UIMC1: variants seen among roughly 807,000 people sequenced by gnomAD.
UIMC1 encodes BRCA1-A complex subunit RAP80.
A neutral mutation model predicts 84.9 loss-of-function variants in UIMC1; 42 were observed. The observed-to-expected ratio is 0.49, with a 90% CI of 0.39 to 0.64. The LOEUF is 0.64. UIMC1 is among the 30% of genes least tolerant of loss of function. UIMC1 has a pLI of 0.00. For missense variants in UIMC1, 825 were observed against 847.6 expected, an observed-to-expected ratio of 0.97 and a Z score of 0.33; for synonymous variants, 281 against 293.0, an observed-to-expected ratio of 0.96 and a Z score of 0.42.
intron 8 of UIMC1, among the ~76,000 whole-genome samples, chr5:176,952,673 T>G (rs1766038209): frequency 6.6e-6 from 1 of 152,206 alleles, no homozygotes; most frequent in East Asian, 1.9e-4. Context: ...CACTCATGCC[T>G]GCAATCCCAA....
chr5:176,967,275 G>GT (rs999815281), intron 6 of UIMC1, among the ~76,000 whole-genome samples: 10 of 149,566 alleles, frequency 6.7e-5, no homozygotes, highest in African/African-American at 2.5e-4. Flanking sequence ...TCCACACATG[G>GT]TATTTTTCAC....
At position 176,969,051 on chromosome 5, in the gene UIMC1, T is replaced by C; in HGVS notation, c.704A>G (p.Glu235Gly). 6.2e-7 allele frequency: 1 copy of C among 1,614,172 alleles called. No individual in the cohort carries two copies. Among genetic ancestry groups the C allele is most frequent in the Non-Finnish European group, 8.5e-7 (1 of 1,180,028 alleles). The change falls in exon 6 of 15, where the codon GAA (glutamate) becomes GGA (glycine). Residue 235 changes from glutamate (E) to glycine (G), a missense_variant. By Grantham distance (98) the Glu-to-Gly change is moderately conservative. Coordinates refer to ENST00000511320, the MANE Select transcript of UIMC1 (RefSeq NM_001199298.2). Reference protein sequence around the residue: ...AEHTQCGKPQESTGRGSAFLK... With the variant: ...AEHTQCGKPQGSTGRGSAFLK... The stretch of plus-strand genomic sequence containing the variant: ...AAAAGCAGAACCCCTCCCAGTACTT[T>C]CCTGTGGCTTCCCACACTGTGTGTG...
At chr5:176,908,273 T>G (rs1456711321) in intron 12 of UIMC1, among the ~76,000 whole-genome samples, 1 of 152,220 alleles carries the variant, frequency 6.6e-6, no homozygotes, top group Non-Finnish European at 1.5e-5. Flanking sequence ...CATCTTTGAG[T>G]AGCTAAATTA....
chr5:177,020,633 A>G (rs969061547), intron 1 of UIMC1, among the ~76,000 whole-genome samples: 7 of 152,076 alleles, frequency 4.6e-5, no homozygotes, highest in Non-Finnish European at 7.4e-5. Context: ...GAGTTTCACC[A>G]TGTTAGCCAG....
intron 10 of UIMC1, among the ~76,000 whole-genome samples, chr5:176,924,911 G>A (rs1482852146): frequency 6.6e-6 from 1 of 151,398 alleles, no homozygotes; most frequent in South Asian, 2.1e-4. Context: ...CACATCTGTA[G>A]TCTCAGCTAC....
At chr5:176,961,909 C>T (rs1169467793) in intron 6 of UIMC1, among the ~76,000 whole-genome samples, 2 of 59,468 alleles carry the variant, frequency 3.4e-5, no homozygotes, top group African/African-American at 7.0e-5. Flanking sequence ...ATCGGCCCCC[C>T]GCCCGGCCAG....
chr5:176,969,716 G>A lies in UIMC1; in HGVS notation c.358-10C>T. 1 of 1,613,094 alleles carries A rather than the reference G, an allele frequency of 6.2e-7. No homozygotes were observed. The highest frequency in any genetic ancestry group is 2.2e-5 in the East Asian group (1 of 44,882). On this transcript the variant is annotated splice_polypyrimidine_tract_variant and intron_variant, in intron 4 of 14. Coordinates refer to ENST00000511320, the MANE Select transcript of UIMC1 (RefSeq NM_001199298.2). ...CAGAAGGCCGGCAACTCTGAAACAAGTGATCCCATACCAGACCAGGTTTAT... is the reference window on the plus strand; with the variant it reads ...CAGAAGGCCGGCAACTCTGAAACAAATGATCCCATACCAGACCAGGTTTAT...
chr5:176,964,630 CATG>C (rs1436638227), intron 6 of UIMC1, among the ~76,000 whole-genome samples: 60 of 152,258 alleles, frequency 3.9e-4, no homozygotes, highest in African/African-American at 1.3e-3. Context: ...AAAATGTCTA[CATG>C]ATATTAAAGA....
At chr5:176,906,995 G>T in intron 13 of UIMC1, 119 bp downstream of exon 13, 1 of 983,298 alleles carries the variant, frequency 1.0e-6, no homozygotes, top group South Asian at 1.6e-5. Context: ...TCAAAGGCTG[G>T]CTGACTGGAT....
intron 1 of UIMC1, among the ~76,000 whole-genome samples, chr5:176,984,993 C>G (rs2149511640): frequency 6.6e-6 from 1 of 152,180 alleles, no homozygotes; most frequent in East Asian, 1.9e-4. Flanking sequence ...AAACCAGAGA[C>G]CTTTGTTCAT....
intron 1 of UIMC1, among the ~76,000 whole-genome samples, chr5:177,020,617 G>A (rs545857286): frequency 6.4e-4 from 98 of 152,190 alleles, no homozygotes; most frequent in South Asian, 1.2e-3. Context: ...ATTTTTAGTA[G>A]AAACGGAGTT....
At position 176,926,851 on chromosome 5, in the gene UIMC1, T is replaced by C. The variant is rs189373698; in HGVS notation, c.1598-15462A>G. Reference sequence around the variant, plus strand: ...CTTCTGAAATTTGAAATTTTCAAAATAGAGAGGAAAAAAATAGGCCCTGAA... The same window carrying C: ...CTTCTGAAATTTGAAATTTTCAAAACAGAGAGGAAAAAAATAGGCCCTGAA... On this transcript the variant is annotated intron_variant, in intron 10 of 14. Transcript: ENST00000511320. Among the ~76,000 whole-genome samples, 5 of 152,160 alleles carry C rather than the reference T, an allele frequency of 3.3e-5. No individual in the cohort carries two copies. In the East Asian group the frequency reaches 9.7e-4, roughly 29 times the overall value.
chr5:176,911,149 AGAAAAGAAAAGAAAAGAAAAG>A (rs1194486716), intron 11 of UIMC1, among the ~76,000 whole-genome samples, 141 bp downstream of exon 11: 1 of 75,034 alleles, frequency 1.3e-5, no homozygotes, highest in African/African-American at 5.0e-5. Flanking sequence ...AGAAAAGAAA[AGAAAAGAAAAGAAAAGAAAAG>A]AAAAGAAAAT....
chr5:176,951,347 C>T, intron 9 of UIMC1, 127 bp downstream of exon 9: 1 of 609,196 alleles, frequency 1.6e-6, no homozygotes, highest in South Asian at 3.6e-5. Context: ...CTCTCCCTAA[C>T]ATAAGGGCCC....
At chr5:176,909,455 A>C (rs1046305425) in intron 11 of UIMC1, among the ~76,000 whole-genome samples, 2 of 152,218 alleles carry the variant, frequency 1.3e-5, no homozygotes, top group African/African-American at 4.8e-5. Flanking sequence ...ATTCAGCTCC[A>C]TTAGGAAGGA....
chr5:176,928,186 T>C (rs1421248032), intron 10 of UIMC1, among the ~76,000 whole-genome samples: 6 of 152,168 alleles, frequency 3.9e-5, no homozygotes, highest in African/African-American at 1.4e-4. Flanking sequence ...CACAGCCGCC[T>C]GATTCATTTA....
Position 176,969,735 on chromosome 5 carries a change from G to A in UIMC1, c.358-29C>T, listed in dbSNP as rs773010693. ...AAACAAGTGATCCCATACCAGACCA[G>A]GTTTATTATTAAAATAACTATATAT... On this transcript the variant is annotated intron_variant, in intron 4 of 14. Transcript: ENST00000511320. 4.4e-6 allele frequency: 7 copies of A among 1,596,098 alleles called. No homozygotes were observed. The Admixed American group carries it at 5.1e-5, about 12-fold the overall frequency.
chr5:176,908,299 CCT>C (rs1186548147), intron 12 of UIMC1, among the ~76,000 whole-genome samples: 3 of 151,994 alleles, frequency 2.0e-5, no homozygotes, highest in African/African-American at 7.3e-5. Context: ...GATGATTTCC[CCT>C]GATTATTTAT....
upstream of UIMC1, among the ~76,000 whole-genome samples, chr5:177,007,284 G>A (rs1404855443): frequency 7.5e-5 from 11 of 145,916 alleles, no homozygotes; most frequent in Non-Finnish European, 1.3e-4. Flanking sequence ...AGGATGCAGT[G>A]AGCCCAGGTC....
Sources: allele counts gnomAD v4.1 joint callset (sites outside exome capture counted in the v4.1 genomes callset), GRCh38; gene constraint gnomAD v4.1.1; transcripts MANE v1.5; gene names NCBI Gene and HGNC (gene_info 2026-07-23, HGNC 2026-07-21).